The following RAP1GDS1 variants were observed in gnomAD, a reference collection of about 807,000 sequenced individuals.
RAP1GDS1 encodes the protein RAP1, GTP-GDP dissociation stimulator 1.
In RAP1GDS1, 35 loss-of-function variants were observed where a neutral mutation model predicts 71.1. The observed-to-expected ratio is 0.49, with a 90% CI of 0.38 to 0.65. RAP1GDS1 has a LOEUF of 0.65. Among genes scored for constraint, RAP1GDS1 ranks in the 30% least tolerant of loss-of-function variants. The probability of loss-of-function intolerance (pLI) is 0.00; values close to 1 mark genes in which losing one functional copy is unlikely to be tolerated. For synonymous variants in RAP1GDS1, 229 were observed against 243.1 expected, an observed-to-expected ratio of 0.94 and a Z score of 0.54; for missense variants, 663 against 706.1, an observed-to-expected ratio of 0.94 and a Z score of 0.69.
intron 12 of RAP1GDS1, among the ~76,000 whole-genome samples, chr4:98,431,121 T>C (rs1368735963): frequency 6.6e-6 from 1 of 152,214 alleles, no homozygotes; most frequent in Non-Finnish European, 1.5e-5. Flanking sequence ...TTCTTTAACC[T>C]TTAAGAGTAG....
At chr4:98,306,369 A>G (rs908825237) in intron 2 of RAP1GDS1, among the ~76,000 whole-genome samples, 6 of 152,198 alleles carry the variant, frequency 3.9e-5, no homozygotes, top group Non-Finnish European at 7.3e-5. Flanking sequence ...GCATTCTCAC[A>G]TGACAGAAGG....
intron 4 of RAP1GDS1, among the ~76,000 whole-genome samples, chr4:98,376,567 T>G (rs1741213776): frequency 6.6e-6 from 1 of 152,038 alleles, no homozygotes; most frequent in Non-Finnish European, 1.5e-5. Flanking sequence ...TTTATTCCTT[T>G]GAATCCTTAA....
At position 98,442,091 on chromosome 4, in the gene RAP1GDS1, G is replaced by A; in HGVS notation, c.1798G>A (p.Glu600Lys). The A allele has an allele frequency of 6.2e-7, 1 of 1,613,702 alleles. No homozygotes were observed. Among genetic ancestry groups the A allele is most frequent in the Non-Finnish European group, 8.5e-7 (1 of 1,179,956 alleles). ...KSVAQQASLT[E>K]QRLTVES ...TGTTGCCCAGCAGGCCTCTCTCACAGAGCAGAGACTTACTGTGGAAAGCTG... is the reference window on the plus strand; with the variant it reads ...TGTTGCCCAGCAGGCCTCTCTCACAAAGCAGAGACTTACTGTGGAAAGCTG... The change falls in exon 15 of 15, where the codon GAG becomes AAG. Residue 600 changes from glutamate (E) to lysine (K), a missense_variant. By Grantham distance (56) the Glu-to-Lys change is moderately conservative. Coordinates refer to ENST00000408927, the MANE Select transcript of RAP1GDS1 (RefSeq NM_001100427.2).
intron 3 of RAP1GDS1, among the ~76,000 whole-genome samples, chr4:98,345,253 A>G (rs1293607433): frequency 6.6e-6 from 1 of 152,248 alleles, no homozygotes; most frequent in Non-Finnish European, 1.5e-5. Context: ...TGTATGAACC[A>G]GAGAATATGA....
At chr4:98,306,541 A>G (rs756959964) in intron 2 of RAP1GDS1, among the ~76,000 whole-genome samples, 21 of 152,220 alleles carry the variant, frequency 1.4e-4, no homozygotes, top group Non-Finnish European at 2.9e-4. Context: ...CACAGCACCC[A>G]CTATGTCCTG....
chr4:98,281,143 G>A (rs1385346170), intron 1 of RAP1GDS1, among the ~76,000 whole-genome samples: 2 of 150,882 alleles, frequency 1.3e-5, no homozygotes, highest in Non-Finnish European at 2.9e-5. Context: ...CCAATTCTGT[G>A]AAGAAAGTCA....
intron 3 of RAP1GDS1, among the ~76,000 whole-genome samples, chr4:98,348,453 A>G (rs1298235449): frequency 6.6e-6 from 1 of 152,224 alleles, no homozygotes; most frequent in Non-Finnish European, 1.5e-5. Flanking sequence ...TTATAGCAGC[A>G]TGATTTATAA....
At chr4:98,343,354 G>A (rs1482311620) in intron 3 of RAP1GDS1, 93 bp downstream of exon 3, 1 of 1,409,036 alleles carries the variant, frequency 7.1e-7, no homozygotes, top group Admixed American at 2.0e-5. Flanking sequence ...TTTTAATTTT[G>A]TAGATTAGAC....
intron 2 of RAP1GDS1, among the ~76,000 whole-genome samples, chr4:98,305,627 C>T (rs1480682056): frequency 6.6e-6 from 1 of 152,056 alleles, no homozygotes; most frequent in African/African-American, 2.4e-5. Context: ...GTAACAGAAA[C>T]AAGATGTATA....
At chr4:98,329,919 C>G (rs1300242815) in intron 2 of RAP1GDS1, among the ~76,000 whole-genome samples, 1 of 150,974 alleles carries the variant, frequency 6.6e-6, no homozygotes, top group South Asian at 2.1e-4. Context: ...TTATATTCTC[C>G]TCTTTTTTTT....
intron 3 of RAP1GDS1, 77 bp from the exon 4 acceptor site, chr4:98,352,399 T>G: frequency 2.0e-6 from 3 of 1,470,644 alleles, no homozygotes; most frequent in Non-Finnish European, 2.8e-6. Context: ...AAAGTAGGTA[T>G]TTATTTTATT....
chr4:98,335,408 A>G (rs1397622169), intron 2 of RAP1GDS1, among the ~76,000 whole-genome samples: 1 of 152,148 alleles, frequency 6.6e-6, no homozygotes, highest in Non-Finnish European at 1.5e-5. Context: ...TTTTGTTATC[A>G]GGGATTTATG....
intron 1 of RAP1GDS1, among the ~76,000 whole-genome samples, chr4:98,283,700 T>C (rs1725543814): frequency 1.3e-5 from 2 of 152,096 alleles, no homozygotes; most frequent in South Asian, 4.1e-4. Context: ...ATCTGGAACT[T>C]TTTCTAGAAT....
intron 5 of RAP1GDS1, among the ~76,000 whole-genome samples, chr4:98,382,109 C>A (rs1318006536): frequency 6.6e-6 from 1 of 151,488 alleles, no homozygotes; most frequent in African/African-American, 2.4e-5. Context: ...GTATATAATT[C>A]ATAATTTATC....
At chr4:98,438,510 CTTT>C (rs139389967) in intron 14 of RAP1GDS1, among the ~76,000 whole-genome samples, 1,642 of 135,928 alleles carry the variant, frequency 0.012, 30 homozygotes, top group African/African-American at 0.042. Flanking sequence ...CACATTTCTT[CTTT>C]ATTTCTGACT....
At chr4:98,304,229 G>T (rs1406001261) in intron 2 of RAP1GDS1, among the ~76,000 whole-genome samples, 1 of 152,162 alleles carries the variant, frequency 6.6e-6, no homozygotes, top group African/African-American at 2.4e-5. Context: ...GGATTGCTGG[G>T]TCAAATGGTA....
At chr4:98,404,349 T>G (rs1745835999) in intron 6 of RAP1GDS1, 128 bp from the exon 7 acceptor site, 4 of 883,050 alleles carry the variant, frequency 4.5e-6, no homozygotes, top group Admixed American at 4.0e-5. Flanking sequence ...AAAAATGGAT[T>G]TGATTGTTCC....
At position 98,279,179 on chromosome 4, in the gene RAP1GDS1, G is replaced by A. The variant is rs138277183; in HGVS notation, c.5-14229G>A. On this transcript the variant is annotated intron_variant, in intron 1 of 14. Transcript: ENST00000408927. Reference sequence around the variant, plus strand: ...GCAGAGCTTGCAGTGAGCCGAGATCGCACCACTGCACTCCAGCCTGGGCGA... The same window carrying A: ...GCAGAGCTTGCAGTGAGCCGAGATCACACCACTGCACTCCAGCCTGGGCGA... Among the ~76,000 whole-genome samples the A allele has an allele frequency of 2.3e-3, 353 of 152,034 alleles. 7 individuals carry two copies. The East Asian group carries it at 0.036, about 16-fold the overall frequency.
intron 2 of RAP1GDS1, among the ~76,000 whole-genome samples, chr4:98,304,778 T>C (rs1326721009): frequency 6.6e-6 from 1 of 152,192 alleles, no homozygotes; most frequent in African/African-American, 2.4e-5. Flanking sequence ...CTTGTCTATG[T>C]TCTGAATGAT....
Sources: allele counts gnomAD v4.1 joint callset (sites outside exome capture counted in the v4.1 genomes callset), GRCh38; gene constraint gnomAD v4.1.1; transcripts MANE v1.5; gene names NCBI Gene and HGNC (gene_info 2026-07-23, HGNC 2026-07-21).